Variants in ABCC6 observed in about 807,000 individuals in gnomAD.
ABCC6 encodes ATP binding cassette subfamily C member 6, also known as ATP-binding cassette sub-family C member 6.
Under a neutral mutation model 169.5 loss-of-function variants are expected in ABCC6, and 126 were observed. That is an observed-to-expected ratio of 0.74 (90% CI 0.64 to 0.86). The LOEUF is 0.86. Among genes scored for constraint, ABCC6 ranks in the 40% least tolerant of loss-of-function variants. The pLI, the probability that ABCC6 is intolerant of heterozygous loss-of-function variation, is 0.00. For synonymous variants in ABCC6, 752 were observed against 814.7 expected (o/e 0.92, Z 1.31); for missense variants, 1,733 against 1,927.2 (o/e 0.90, Z 1.89).
At chr16:16,196,208 T>TCAAAA (rs1256165220) in intron 10 of ABCC6, among the ~76,000 whole-genome samples, 4 of 30,300 alleles carry the variant, frequency 1.3e-4, no homozygotes, top group African/African-American at 5.9e-4. Context: ...AGACTCTGTC[T>TCAAAA]CAAAAAAAAA....
intron 10 of ABCC6, among the ~76,000 whole-genome samples, chr16:16,196,284 CATAA>C (rs1001386886): frequency 6.6e-6 from 1 of 151,840 alleles, no homozygotes; most frequent in African/African-American, 2.4e-5. Flanking sequence ...TGTCAGCATC[CATAA>C]ATAGAGTTTT....
intron 19 of ABCC6, among the ~76,000 whole-genome samples, chr16:16,176,237 C>G (rs536818260): frequency 1.3e-5 from 2 of 152,270 alleles, no homozygotes; most frequent in Non-Finnish European, 2.9e-5. Context: ...GGAAAAACAG[C>G]ATTTAACACT....
intron 14 of ABCC6, 101 bp from the exon 15 acceptor site, chr16:16,185,135 A>G (rs2047610015): frequency 1.8e-6 from 2 of 1,100,570 alleles, no homozygotes. Context: ...CCAGGGGCAG[A>G]GGCTGCAGGA....
chr16:16,211,948 C>T (rs1479144650), intron 6 of ABCC6, among the ~76,000 whole-genome samples: 3 of 149,994 alleles, frequency 2.0e-5, no homozygotes, highest in South Asian at 2.1e-4. Context: ...CGGAGGTTTG[C>T]GACATGGCCT....
intron 1 of ABCC6, among the ~76,000 whole-genome samples, chr16:16,222,250 A>T (rs746983697): frequency 8.5e-5 from 13 of 152,208 alleles, no homozygotes; most frequent in Non-Finnish European, 1.8e-4. Flanking sequence ...CTGAGGCACC[A>T]GTCGGGGAAC....
At chr16:16,152,192 C>CAAAAAAA (rs61339757) in intron 29 of ABCC6, among the ~76,000 whole-genome samples, 6,236 of 40,162 alleles carry the variant, frequency 0.16, 1,078 homozygotes, top group East Asian at 0.31. Flanking sequence ...GACTCTGTCT[C>CAAAAAAA]AAAAAAAAAA....
intron 17 of ABCC6, 145 bp downstream of exon 17, chr16:16,182,267 T>C: frequency 9.9e-7 from 1 of 1,006,314 alleles, no homozygotes; most frequent in Non-Finnish European, 1.6e-6. Context: ...TAGCACGTGC[T>C]TGACGCTGAG....
intron 7 of ABCC6, among the ~76,000 whole-genome samples, chr16:16,207,453 A>T (rs1328914682): frequency 6.6e-6 from 1 of 152,196 alleles, no homozygotes; most frequent in Non-Finnish European, 1.5e-5. Context: ...AATAGTTGGG[A>T]TGGGAGATGA....
intron 16 of ABCC6, 88 bp downstream of exon 16, chr16:16,182,716 G>C: frequency 1.2e-6 from 2 of 1,604,136 alleles, no homozygotes; most frequent in Non-Finnish European, 1.7e-6. Flanking sequence ...AAGTGAACTT[G>C]GCTGGGATGG....
At chr16:16,176,094 G>T in intron 19 of ABCC6, 108 bp from the exon 20 acceptor site, 1 of 1,109,082 alleles carries the variant, frequency 9.0e-7, no homozygotes, top group Admixed American at 1.8e-5. Context: ...CCCTGATCTG[G>T]CTCCTGCCAC....
chr16:16,206,144 G>C (rs545612893), intron 7 of ABCC6, among the ~76,000 whole-genome samples: 1 of 152,330 alleles, frequency 6.6e-6, no homozygotes, highest in African/African-American at 2.4e-5. Flanking sequence ...TCAGCCTGCA[G>C]GCTCCATAGC....
intron 25 of ABCC6, among the ~76,000 whole-genome samples, chr16:16,160,933 A>G (rs181187688): frequency 6.6e-6 from 1 of 152,290 alleles, no homozygotes; most frequent in Admixed American, 6.5e-5. Flanking sequence ...CTGACATTAC[A>G]TACTGTTAAT....
chr16:16,150,900 ATGGGGTC>A (rs768990161), intron 29 of ABCC6, 128 bp from the exon 30 acceptor site: 9 of 1,514,750 alleles, frequency 5.9e-6, no homozygotes, highest in East Asian at 2.5e-5. Flanking sequence ...ATCCCCACAC[ATGGGGTC>A]TGGGGTCTGT....
chr16:16,190,144 A>G lies in ABCC6; in HGVS notation c.1635+20T>C. The G allele has an allele frequency of 6.2e-7, 1 of 1,612,368 alleles. No homozygotes were observed. The highest frequency in any genetic ancestry group is 8.5e-7 in the Non-Finnish European group (1 of 1,179,660). On this transcript the variant is annotated intron_variant, in intron 12 of 30. Coordinates refer to ENST00000205557, the MANE Select transcript of ABCC6 (RefSeq NM_001171.6). ...CTCCTTCCCCAGTGCTGCTCAGCAT[A>G]GAGACTAGAGTGACGTCACCAGAAA...
chr16:16,155,039 G>T lies in ABCC6; in HGVS notation c.3883-8C>A, dbSNP rs749814909. On this transcript the variant is annotated splice_polypyrimidine_tract_variant and splice_region_variant and intron_variant, in intron 27 of 30. Coordinates refer to ENST00000205557, the MANE Select transcript of ABCC6 (RefSeq NM_001171.6). ...CCTGCCAACGATGCCCACCTGCCCG[G>T]GGTTGGGAGGAAAGGCCTGCTCTGA... 3.2e-6 allele frequency: 5 copies of T among 1,550,820 alleles called. No homozygotes were observed. The South Asian group carries it at 5.9e-5, about 18-fold the overall frequency.
intron 21 of ABCC6, among the ~76,000 whole-genome samples, chr16:16,172,580 G>A (rs915837698): frequency 6.6e-6 from 1 of 152,056 alleles, no homozygotes; most frequent in Non-Finnish European, 1.5e-5. Flanking sequence ...GTGGGTGGAT[G>A]AGCATCTAGG....
At chr16:16,195,660 C>T (rs886335589) in intron 10 of ABCC6, among the ~76,000 whole-genome samples, 2 of 151,982 alleles carry the variant, frequency 1.3e-5, no homozygotes, top group African/African-American at 2.4e-5. Flanking sequence ...TGATCAATTG[C>T]CCTGAATTTT....
At chr16:16,174,490 C>T (rs963574803) in intron 20 of ABCC6, among the ~76,000 whole-genome samples, 2 of 152,158 alleles carry the variant, frequency 1.3e-5, no homozygotes, top group South Asian at 2.1e-4. Context: ...GGTGCAGTGG[C>T]TCACGCGTGT....
chr16:16,171,906 AATGGGTGG>A (rs1215116261), intron 21 of ABCC6, among the ~76,000 whole-genome samples: 2 of 6,678 alleles, frequency 3.0e-4, no homozygotes, highest in African/African-American at 6.5e-4. Flanking sequence ...TGGATAAATG[AATGGGTGG>A]GTGGGTGGGT....
Sources: allele counts gnomAD v4.1 joint callset (sites outside exome capture counted in the v4.1 genomes callset), GRCh38; gene constraint gnomAD v4.1.1; transcripts MANE v1.5; gene names NCBI Gene and HGNC (gene_info 2026-07-23, HGNC 2026-07-21).